The following OR4A15 variants were observed in gnomAD, a reference collection of about 807,000 sequenced individuals.
OR4A15 encodes the protein olfactory receptor family 4 subfamily A member 15, also known as olfactory receptor 4A15.
For synonymous variants in OR4A15, 240 were observed against 135.6 expected (o/e 1.77, Z -5.35); for missense variants, 657 against 374.7 (o/e 1.75, Z -6.22).
exon 1 of OR4A15, chr11:55,368,329 A>G: frequency 6.2e-7 from 1 of 1,613,540 alleles, no homozygotes; most frequent in South Asian, 1.1e-5. Flanking sequence ...ATGGCCTATG[A>G]TCGATACATG....
exon 1 of OR4A15, chr11:55,368,747 G>T (rs189463420): frequency 6.2e-7 from 1 of 1,613,712 alleles, no homozygotes. Flanking sequence ...TGTATGCAAG[G>T]CCCAATTCTA....
exon 1 of OR4A15, chr11:55,368,505 G>T (rs1853886619): frequency 2.5e-6 from 4 of 1,612,380 alleles, no homozygotes; most frequent in Non-Finnish European, 3.4e-6. Flanking sequence ...CTTCCTGTGT[G>T]ATTTGTATCC....
At chr11:55,368,724 C>T in exon 1 of OR4A15, 2 of 1,613,614 alleles carry the variant, frequency 1.2e-6, no homozygotes. Flanking sequence ...ATTCTTTGTC[C>T]CCTGTATCTT....
At position 55,368,015 on chromosome 11, in the gene OR4A15, G is replaced by A. The variant is rs1305282675; in HGVS notation, c.42G>A (p.Gly14=). The change falls in exon 1 of 1, where the codon GGG becomes GGA. Residue 14 remains glycine, a synonymous_variant. Coordinates refer to ENST00000641526, the Ensembl canonical transcript of OR4A15. Reference sequence around the variant, plus strand: ...ATGTGACTGAATTTATCCTCTTAGGGCTCACACAGAACCCTGAGGGGCAAA... The same window carrying A: ...ATGTGACTGAATTTATCCTCTTAGGACTCACACAGAACCCTGAGGGGCAAA... The A allele has an allele frequency of 3.7e-6, 6 of 1,613,424 alleles. No homozygotes were observed. The South Asian group carries it at 5.5e-5, about 15-fold the overall frequency.
Position 55,368,147 on chromosome 11 carries a change from C to CT in OR4A15, c.180dup (p.Leu61SerfsTer22), listed in dbSNP as rs1366066716. 3 of 1,612,674 alleles carry CT rather than the reference C, an allele frequency of 1.9e-6. 1 individual carries two copies. Among genetic ancestry groups the CT allele is most frequent in the South Asian group, 2.2e-5 (2 of 91,036 alleles). ...GCCAGTCCCTGGGTTCCCCCATGTA[C>CT]TTTTTTCTGGCTTCTTTATCATTCA... is the stretch of plus-strand genomic sequence containing the variant. On this transcript the variant is annotated frameshift_variant, in exon 1 of 1. Coordinates refer to ENST00000641526, the Ensembl canonical transcript of OR4A15. LOFTEE classifies it low-confidence loss of function (END_TRUNC).
In OR4A15 at chr11:55,368,182, T is replaced by G. The variant is rs141578204; in HGVS notation, c.209T>G (p.Val70Gly). 6.8e-6 allele frequency: 11 copies of G among 1,613,416 alleles called. No homozygotes were observed. The African/African-American group carries it at 1.5e-4, about 22-fold the overall frequency. Residue 70 changes from valine to glycine, a missense_variant, in exon 1 of 1, where the codon GTC becomes GGC. Coordinates refer to ENST00000641526, the Ensembl canonical transcript of OR4A15. Reference sequence around the variant, plus strand: ...GCTTCTTTATCATTCATAGATACCGTCTATTCTACTGCATTTGCTCCCAAA... The same window carrying G: ...GCTTCTTTATCATTCATAGATACCGGCTATTCTACTGCATTTGCTCCCAAA...
chr11:55,368,376 A>G (rs755763291), exon 1 of OR4A15: 2 of 1,613,550 alleles, frequency 1.2e-6, no homozygotes, highest in South Asian at 1.1e-5. Flanking sequence ...GATCACCATG[A>G]ATCGTCGAGT....
exon 1 of OR4A15, chr11:55,368,491 A>T: frequency 6.2e-7 from 1 of 1,611,974 alleles, no homozygotes; most frequent in Non-Finnish European, 8.5e-7. Context: ...AATGTCATTG[A>T]CAACTTCCTG....
exon 1 of OR4A15, chr11:55,368,133 G>T (rs766397076): frequency 6.2e-7 from 1 of 1,612,576 alleles, no homozygotes; most frequent in Non-Finnish European, 8.5e-7. Flanking sequence ...CCAGTCCCTG[G>T]GTTCCCCCAT....
exon 1 of OR4A15, chr11:55,368,878 A>G: frequency 6.2e-7 from 1 of 1,608,922 alleles, no homozygotes. Flanking sequence ...CTTTGGAGTA[A>G]AAAAGTAAGC....
chr11:55,368,080 C>A (rs199660751), exon 1 of OR4A15: 6 of 1,613,274 alleles, frequency 3.7e-6, no homozygotes, highest in South Asian at 1.1e-5. Flanking sequence ...TACATGGTGA[C>A]GATAATGGGC....
At chr11:55,368,439 G>T (rs748243733) in exon 1 of OR4A15, 2 of 1,611,886 alleles carry the variant, frequency 1.2e-6, no homozygotes, top group Admixed American at 1.7e-5. Context: ...TCACTCATTG[G>T]TTCAATTTCT....
At chr11:55,368,169 T>G in exon 1 of OR4A15, 1 of 1,613,124 alleles carries the variant, frequency 6.2e-7, no homozygotes. Context: ...TTCTTTATCA[T>G]TCATAGATAC....
chr11:55,368,867 A>G, exon 1 of OR4A15: 1 of 1,610,158 alleles, frequency 6.2e-7, no homozygotes, highest in Non-Finnish European at 8.5e-7. Flanking sequence ...CCATGAGGAA[A>G]CTTTGGAGTA....
chr11:55,368,877 A>G (rs759027443), exon 1 of OR4A15: 14 of 1,608,706 alleles, frequency 8.7e-6, no homozygotes, highest in East Asian at 2.2e-5. Flanking sequence ...ACTTTGGAGT[A>G]AAAAAGTAAG....
chr11:55,368,674 C>G, exon 1 of OR4A15: 1 of 1,613,704 alleles, frequency 6.2e-7, no homozygotes. Flanking sequence ...AAACGAAAAG[C>G]TTTCTACACC....
chr11:55,368,773 A>G, exon 1 of OR4A15: 2 of 1,613,708 alleles, frequency 1.2e-6, no homozygotes, highest in South Asian at 2.2e-5. Context: ...CCCATTGATA[A>G]ATCCATGACT....
exon 1 of OR4A15, chr11:55,368,636 C>A: frequency 6.2e-7 from 1 of 1,613,784 alleles, no homozygotes; most frequent in Non-Finnish European, 8.5e-7. Flanking sequence ...TCATATTACA[C>A]TCTCTTAAGA....
chr11:55,368,224 T>C, exon 1 of OR4A15: 1 of 1,613,808 alleles, frequency 6.2e-7, no homozygotes, highest in Non-Finnish European at 8.5e-7. Context: ...GTTGACTTGC[T>C]CTCTGAGAAA....
Sources: gnomAD v4.1 joint callset for allele counts on GRCh38, gnomAD v4.1.1 for gene constraint, MANE v1.5 for transcripts, NCBI Gene and HGNC (gene_info 2026-07-23, HGNC 2026-07-21) for gene names.